ADARB2: variants seen among roughly 807,000 people sequenced by gnomAD.
The protein encoded by ADARB2 is adenosine deaminase RNA specific B2 (inactive).
A neutral mutation model predicts 62.2 loss-of-function variants in ADARB2; 25 were observed. The ratio of observed to expected loss-of-function variants is 0.40; its 90% CI spans 0.29 to 0.56. The LOEUF is 0.56. Ranked by LOEUF, ADARB2 falls within the 20% of genes least tolerant of loss-of-function variation. ADARB2 has a pLI of 0.43. For missense variants in ADARB2, 1,071 were observed against 1,077.4 expected, an observed-to-expected ratio of 0.99 and a Z score of 0.08; for synonymous variants, 572 against 500.8, an observed-to-expected ratio of 1.14 and a Z score of -1.90.
intron 4 of ADARB2, among the ~76,000 whole-genome samples, chr10:1,247,326 TCTC>T (rs1384514838): frequency 6.6e-6 from 1 of 152,194 alleles, no homozygotes; most frequent in Non-Finnish European, 1.5e-5. Context: ...TTTATTTCCT[TCTC>T]CTGCCTGATT....
chr10:1,592,822 TC>T (rs1833278690), intron 1 of ADARB2, among the ~76,000 whole-genome samples: 1 of 8,390 alleles, frequency 1.2e-4, no homozygotes, highest in African/African-American at 5.7e-4. Flanking sequence ...TCACCCAGCT[TC>T]CCTCGCCCAA....
At chr10:1,207,220 G>A (rs980994560) in intron 7 of ADARB2, among the ~76,000 whole-genome samples, 11 of 152,010 alleles carry the variant, frequency 7.2e-5, no homozygotes, top group African/African-American at 2.2e-4. Flanking sequence ...GGTGGTGTAC[G>A]CCTGTAATCC....
At chr10:1,708,691 C>T (rs964315210) in intron 1 of ADARB2, among the ~76,000 whole-genome samples, 3 of 152,156 alleles carry the variant, frequency 2.0e-5, no homozygotes, top group African/African-American at 7.2e-5. Flanking sequence ...CAAGATTTTC[C>T]TTTTCTGTAA....
chr10:1,353,114 C>T (rs1832159736), intron 3 of ADARB2, among the ~76,000 whole-genome samples: 1 of 152,158 alleles, frequency 6.6e-6, no homozygotes, highest in Admixed American at 6.5e-5. Context: ...GGCCCCCTCC[C>T]TTCCCTACAC....
At chr10:1,481,871 A>AAG in intron 1 of ADARB2, among the ~76,000 whole-genome samples, 1 of 147,968 alleles carries the variant, frequency 6.8e-6, no homozygotes, top group East Asian at 2.0e-4. Context: ...AAAAAAAAAA[A>AAG]GAGAATAGAA....
chr10:1,278,289 C>CTTT (rs76796387), intron 3 of ADARB2, among the ~76,000 whole-genome samples: 6 of 141,450 alleles, frequency 4.2e-5, no homozygotes, highest in African/African-American at 1.0e-4. Flanking sequence ...TCCTTTTTTT[C>CTTT]TTTTTTTTTT....
At chr10:1,508,947 G>A (rs1588282080) in intron 1 of ADARB2, among the ~76,000 whole-genome samples, 1 of 152,192 alleles carries the variant, frequency 6.6e-6, no homozygotes, top group African/African-American at 2.4e-5. Context: ...GTGAGAAGTC[G>A]TCTGGCCCAG....
chr10:1,478,721 G>A (rs956638370), intron 1 of ADARB2, among the ~76,000 whole-genome samples: 1 of 151,140 alleles, frequency 6.6e-6, no homozygotes. Context: ...CCAAAACAAG[G>A]ACCCTCGGAC....
chr10:1,677,969 A>AT (rs1834488144), intron 1 of ADARB2, among the ~76,000 whole-genome samples: 1 of 152,218 alleles, frequency 6.6e-6, no homozygotes, highest in Non-Finnish European at 1.5e-5. Context: ...GAACGACCAC[A>AT]TGGTTACAAG....
intron 1 of ADARB2, among the ~76,000 whole-genome samples, chr10:1,437,016 C>A (rs925319207): frequency 2.0e-5 from 3 of 152,100 alleles, no homozygotes; most frequent in Admixed American, 6.5e-5. Context: ...CCTGAAGGAG[C>A]CTGTCTAATG....
chr10:1,680,184 C>T (rs1210364406), intron 1 of ADARB2, among the ~76,000 whole-genome samples: 2 of 136,000 alleles, frequency 1.5e-5, no homozygotes, highest in Non-Finnish European at 3.3e-5. Context: ...CATATTCTTT[C>T]CTGTGTAATC....
At chr10:1,525,293 C>T (rs988532350) in intron 1 of ADARB2, among the ~76,000 whole-genome samples, 1 of 152,176 alleles carries the variant, frequency 6.6e-6, no homozygotes, top group Non-Finnish European at 1.5e-5. Context: ...TAAGCATAAT[C>T]AAAACTGTAA....
chr10:1,484,822 G>T (rs554565062), intron 1 of ADARB2, among the ~76,000 whole-genome samples: 3 of 152,172 alleles, frequency 2.0e-5, no homozygotes, highest in Non-Finnish European at 4.4e-5. Context: ...ACCTATGTTG[G>T]CATGCAGGTG....
intron 3 of ADARB2, among the ~76,000 whole-genome samples, chr10:1,279,143 A>G (rs936339462): frequency 1.3e-5 from 2 of 152,186 alleles, no homozygotes; most frequent in East Asian, 3.8e-4. Context: ...AACGTTCTTA[A>G]TGGTTCTGAA....
At chr10:1,339,565 A>G (rs1189456653) in intron 3 of ADARB2, among the ~76,000 whole-genome samples, 2 of 152,240 alleles carry the variant, frequency 1.3e-5, no homozygotes, top group Non-Finnish European at 2.9e-5. Context: ...AACACCAAAC[A>G]CAGCATAAAT....
chr10:1,373,311 G>GACAC (rs748027216), intron 2 of ADARB2, among the ~76,000 whole-genome samples: 7 of 150,544 alleles, frequency 4.6e-5, no homozygotes, highest in South Asian at 4.2e-4. Flanking sequence ...TTCTGTCTCT[G>GACAC]ACACACACAC....
In ADARB2 at chr10:1,704,983, C is replaced by T. The variant is rs766163970; in HGVS notation, c.100+32068G>A. Among the ~76,000 whole-genome samples the T allele has an allele frequency of 1.2e-4, 18 of 152,278 alleles. No homozygotes were observed. Among genetic ancestry groups the T allele is most frequent in the Non-Finnish European group, 1.9e-4 (13 of 68,028 alleles). ...CAATAACCCCATGAGCACAGACCCACAGGCAAAGCCCTGGGAGAAGTCCTT... is the reference window on the plus strand; with the variant it reads ...CAATAACCCCATGAGCACAGACCCATAGGCAAAGCCCTGGGAGAAGTCCTT... On this transcript the variant is annotated intron_variant, in intron 1 of 9. Coordinates refer to ENST00000381312, the MANE Select transcript of ADARB2 (RefSeq NM_018702.4). This position sits in a 1 kb window ranked among gnomAD's most constrained non-coding sequence, Gnocchi z 5.6.
intron 1 of ADARB2, among the ~76,000 whole-genome samples, chr10:1,437,734 G>T (rs1830849606): frequency 6.6e-6 from 1 of 152,078 alleles, no homozygotes; most frequent in African/African-American, 2.4e-5. Flanking sequence ...AGCGGGTCCT[G>T]TGGGGAAGGA....
intron 1 of ADARB2, chr10:1,675,412 A>C: frequency 2.1e-6 from 2 of 945,314 alleles, no homozygotes; most frequent in Non-Finnish European, 2.4e-6. Context: ...GTTTGGGTTA[A>C]GGGATCCGTG....
Sources: gnomAD v4.1 joint callset for allele counts (sites outside exome capture counted in the v4.1 genomes callset) on GRCh38, gnomAD v4.1.1 for gene constraint, Gnocchi (gnomAD v3.1) non-coding constraint, MANE v1.5 for transcripts, NCBI Gene and HGNC (gene_info 2026-07-23, HGNC 2026-07-21) for gene names.